SCAPER: variants seen among roughly 807,000 people sequenced by gnomAD.
SCAPER encodes S-phase cyclin A associated protein in the ER.
In SCAPER, 98 loss-of-function variants were observed where a neutral mutation model predicts 182.2. That is an observed-to-expected ratio of 0.54 (90% CI 0.46 to 0.64). The LOEUF (loss-of-function observed/expected upper bound fraction) is 0.64. Ranked by LOEUF, SCAPER falls within the 30% of genes least tolerant of loss-of-function variation. The pLI is 0.00. For synonymous variants in SCAPER, 605 were observed against 564.6 expected, an observed-to-expected ratio of 1.07 and a Z score of -1.01; for missense variants, 1,432 against 1,690.0, an observed-to-expected ratio of 0.85 and a Z score of 2.68.
At chr15:76,504,000 T>C (rs1020052422) in intron 24 of SCAPER, among the ~76,000 whole-genome samples, 1 of 152,012 alleles carries the variant, frequency 6.6e-6, no homozygotes, top group African/African-American at 2.4e-5. Context: ...ATCCTTCCTT[T>C]CTTAGCCTCC....
intron 21 of SCAPER, among the ~76,000 whole-genome samples, chr15:76,636,183 G>T (rs2053585602): frequency 6.6e-6 from 1 of 152,094 alleles, no homozygotes; most frequent in Non-Finnish European, 1.5e-5. Flanking sequence ...TAGAATTCTT[G>T]GTTAACAGGG....
chr15:76,542,565 A>T (rs1223368654), intron 23 of SCAPER, among the ~76,000 whole-genome samples: 3 of 150,446 alleles, frequency 2.0e-5, no homozygotes, highest in African/African-American at 7.3e-5. Flanking sequence ...AAATAAAATA[A>T]AATAAAATAA....
intron 21 of SCAPER, among the ~76,000 whole-genome samples, chr15:76,652,273 A>AAAAATATAT (rs1207156993): frequency 1.6e-4 from 2 of 12,856 alleles, no homozygotes; most frequent in Non-Finnish European, 1.3e-4. Context: ...AAAAAAAAAA[A>AAAAATATAT]ATATATATAT....
At chr15:76,376,658 C>T (rs1040731211) in intron 28 of SCAPER, among the ~76,000 whole-genome samples, 1 of 152,090 alleles carries the variant, frequency 6.6e-6, no homozygotes, top group Non-Finnish European at 1.5e-5. Flanking sequence ...GTATAAAGAA[C>T]CTAAAATTCA....
At position 76,767,104 on chromosome 15, in the gene SCAPER, C is replaced by T. The variant is rs905887285; in HGVS notation, c.1249-16G>A. 2.1e-5 allele frequency: 32 copies of T among 1,546,392 alleles called. No homozygotes were observed. In the East Asian group the frequency reaches 7.5e-4, roughly 36 times the overall value. On this transcript the variant is annotated splice_polypyrimidine_tract_variant and intron_variant, in intron 10 of 31. Coordinates refer to ENST00000563290, the MANE Select transcript of SCAPER (RefSeq NM_020843.4). ...CTGCCATGGACTATAAAGTTAAAAA[C>T]ACATAAACAAAAAGAAAAATGATCA...
intron 17 of SCAPER, among the ~76,000 whole-genome samples, chr15:76,708,271 T>C (rs1295114376): frequency 6.6e-6 from 1 of 152,196 alleles, no homozygotes; most frequent in East Asian, 1.9e-4. Flanking sequence ...GTTTTGGGGT[T>C]GTCTTCCCGA....
chr15:76,811,519 G>T (rs761343473), intron 5 of SCAPER, among the ~76,000 whole-genome samples: 1 of 152,212 alleles, frequency 6.6e-6, no homozygotes, highest in Non-Finnish European at 1.5e-5. Flanking sequence ...GGCCAGGCGC[G>T]GTGGCTCATG....
At position 76,471,212 on chromosome 15, in the gene SCAPER, C is replaced by T. The variant is rs752094588; in HGVS notation, c.3078G>A (p.Thr1026=). 3.3e-5 allele frequency: 53 copies of T among 1,600,942 alleles called. No individual in the cohort carries two copies. Among genetic ancestry groups the T allele is most frequent in the Non-Finnish European group, 4.1e-5 (48 of 1,174,646 alleles). ...FLMDLLIHQL[T]VYVPDENNTI... is the part of the protein sequence containing the mutation. ...AACTCAAAGCAATAATATTACATAC[C>T]GTCAACTGGTGTATCAGGAGGTCCA... is the stretch of plus-strand genomic sequence containing the variant. Residue 1026 remains threonine, a splice_region_variant and synonymous_variant, in exon 25 of 32, where the codon ACG becomes ACA. Coordinates refer to ENST00000563290, the MANE Select transcript of SCAPER (RefSeq NM_020843.4).
chr15:76,525,907 C>A (rs1330695972), intron 23 of SCAPER, among the ~76,000 whole-genome samples: 1 of 152,106 alleles, frequency 6.6e-6, no homozygotes, highest in African/African-American at 2.4e-5. Flanking sequence ...AATGGTAGAT[C>A]TGTTTTAAGT....
intron 26 of SCAPER, among the ~76,000 whole-genome samples, chr15:76,416,540 A>T (rs1487581208): frequency 3.3e-5 from 5 of 152,108 alleles, no homozygotes; most frequent in Non-Finnish European, 7.4e-5. Context: ...GCTAAGGTTT[A>T]AAAAGAATGA....
At chr15:76,891,263 A>T (rs559556996) in intron 1 of SCAPER, among the ~76,000 whole-genome samples, 1 of 152,348 alleles carries the variant, frequency 6.6e-6, no homozygotes, top group South Asian at 2.1e-4. Context: ...CTGGCACAAG[A>T]CAAGGATGCC....
At chr15:76,588,813 A>G (rs2048886834) in intron 22 of SCAPER, among the ~76,000 whole-genome samples, 1 of 152,074 alleles carries the variant, frequency 6.6e-6, no homozygotes, top group South Asian at 2.1e-4. Context: ...GGTGTTAAAG[A>G]ACCTTGTTTT....
At chr15:76,781,366 C>T (rs867379387) in intron 8 of SCAPER, among the ~76,000 whole-genome samples, 38 of 152,206 alleles carry the variant, frequency 2.5e-4, no homozygotes, top group African/African-American at 7.5e-4. Context: ...ACGAACAAAG[C>T]CTCCAAGAAA....
At chr15:76,510,046 C>T (rs1416289165) in intron 23 of SCAPER, among the ~76,000 whole-genome samples, 1 of 152,168 alleles carries the variant, frequency 6.6e-6, no homozygotes, top group Non-Finnish European at 1.5e-5. Flanking sequence ...AAACTGGATC[C>T]TCATCTCTCA....
intron 23 of SCAPER, among the ~76,000 whole-genome samples, chr15:76,547,519 C>T (rs998088315): frequency 2.0e-5 from 3 of 152,096 alleles, no homozygotes; most frequent in African/African-American, 7.2e-5. Flanking sequence ...ATCAATCACA[C>T]TACCTTAATT....
chr15:76,817,633 A>G (rs1475927357), intron 5 of SCAPER, among the ~76,000 whole-genome samples: 1 of 152,216 alleles, frequency 6.6e-6, no homozygotes, highest in Non-Finnish European at 1.5e-5. Flanking sequence ...AGACTGCAGT[A>G]ATCATTTCAC....
chr15:76,808,919 C>T (rs1598849126), intron 5 of SCAPER, among the ~76,000 whole-genome samples: 1 of 152,200 alleles, frequency 6.6e-6, no homozygotes, highest in African/African-American at 2.4e-5. Context: ...ATTCCAGCTC[C>T]TAGCTTCTCC....
At chr15:76,897,720 C>A (rs960175238) in intron 1 of SCAPER, among the ~76,000 whole-genome samples, 3 of 152,066 alleles carry the variant, frequency 2.0e-5, no homozygotes, top group African/African-American at 7.2e-5. Flanking sequence ...AAGAAAAAGA[C>A]TGAATTATTA....
intron 8 of SCAPER, among the ~76,000 whole-genome samples, chr15:76,783,917 C>T (rs1011581014): frequency 4.6e-5 from 7 of 152,182 alleles, no homozygotes; most frequent in African/African-American, 9.7e-5. Context: ...GACAAACACA[C>T]AGGCAATATC....
Sources: gnomAD v4.1 joint callset for allele counts (sites outside exome capture counted in the v4.1 genomes callset) on GRCh38, gnomAD v4.1.1 for gene constraint, MANE v1.5 for transcripts, NCBI Gene and HGNC (gene_info 2026-07-23, HGNC 2026-07-21) for gene names.